SRP9: variants seen among roughly 807,000 people sequenced by gnomAD.
SRP9 encodes signal recognition particle 9, also known as signal recognition particle 9 kDa protein.
A neutral mutation model predicts 11.7 loss-of-function variants in SRP9; 2 were observed. That is an observed-to-expected ratio of 0.17 (90% CI 0.07 to 0.54). SRP9 has a LOEUF of 0.54. Ranked by LOEUF, SRP9 falls within the 20% of genes least tolerant of loss-of-function variation. The pLI is 0.94. For synonymous variants in SRP9, 27 were observed against 35.6 expected (o/e 0.76, Z 0.86); for missense variants, 54 against 108.1 (o/e 0.50, Z 2.22).
At chr1:225,788,820 AAG>A (rs1289327280) in intron 2 of SRP9, among the ~76,000 whole-genome samples, 1 of 152,212 alleles carries the variant, frequency 6.6e-6, no homozygotes, top group Non-Finnish European at 1.5e-5. Flanking sequence ...CCAGTAGAAA[AAG>A]AGATCTTAAG....
At chr1:225,786,777 A>C in intron 2 of SRP9, 1 of 1,187,074 alleles carries the variant, frequency 8.4e-7, no homozygotes. Flanking sequence ...AAAGTATCTA[A>C]CATGAGTGCT....
Position 225,784,229 on chromosome 1 carries a change from C to CTTTTTTTTTTTTTTTTTTTTTT in SRP9, c.141+875_141+896dup, listed in dbSNP as rs561503475. 1.7e-4 allele frequency among the ~76,000 whole-genome samples: 6 copies of CTTTTTTTTTTTTTTTTTTTTTT among 34,458 alleles called. 2 individuals carry two copies. The highest frequency in any genetic ancestry group is 3.0e-4 in the Non-Finnish European group (6 of 19,846). The allele number at this position is 34,458 out of a possible 152,430, so 22.6% of individuals were successfully genotyped here. A position where few individuals can be genotyped will look rare whatever the true frequency, so the allele number is the denominator to read the frequency against. On this transcript the variant is annotated intron_variant, in intron 2 of 2. Coordinates refer to ENST00000304786, the MANE Select transcript of SRP9 (RefSeq NM_003133.6). ...TCTACAGTGGAGTTTATCACCTGTT[C>CTTTTTTTTTTTTTTTTTTTTTT]TTTTTTTTTTTTTTTTTTTTTTTTT...
chr1:225,785,591 A>T (rs933767268), intron 2 of SRP9, among the ~76,000 whole-genome samples: 2 of 151,690 alleles, frequency 1.3e-5, no homozygotes, highest in Non-Finnish European at 2.9e-5. Context: ...CCTGTTAGCC[A>T]GGATGGTCTC....
chr1:225,781,395 C>CTTTTTTTTTTTTT (rs11315558), intron 1 of SRP9, among the ~76,000 whole-genome samples: 88 of 87,782 alleles, frequency 1.0e-3, no homozygotes, highest in East Asian at 3.9e-3. Context: ...TTTTCTTTTT[C>CTTTTTTTTTTTTT]TTTTTTTTTT....
intron 2 of SRP9, among the ~76,000 whole-genome samples, chr1:225,784,482 C>A (rs1219039378): frequency 6.6e-6 from 1 of 150,906 alleles, no homozygotes; most frequent in Non-Finnish European, 1.5e-5. Context: ...ATCTCCTGAC[C>A]TCGTGATCCA....
rs561503475 is a variant in SRP9 at position 225,784,229 on chromosome 1, C to CTT, written c.141+895_141+896dup. ...TCTACAGTGGAGTTTATCACCTGTT[C>CTT]TTTTTTTTTTTTTTTTTTTTTTTTT... On this transcript the variant is annotated intron_variant, in intron 2 of 2. Coordinates refer to ENST00000304786, the MANE Select transcript of SRP9 (RefSeq NM_003133.6). 9.4e-3 allele frequency among the ~76,000 whole-genome samples: 324 copies of CTT among 34,450 alleles called. 95 individuals carry two copies. Among genetic ancestry groups the CTT allele is most frequent in the Non-Finnish European group, 0.01 (208 of 19,846 alleles). The allele number at this position is 34,450 out of a possible 152,430, so 22.6% of individuals were successfully genotyped here. A position where few individuals can be genotyped will look rare whatever the true frequency, so the allele number is the denominator to read the frequency against.
intron 2 of SRP9, among the ~76,000 whole-genome samples, chr1:225,785,124 T>G (rs1028379668): frequency 1.2e-4 from 18 of 151,584 alleles, no homozygotes; most frequent in African/African-American, 4.1e-4. Flanking sequence ...AAGGCTGGAG[T>G]GCAGTGGGCG....
rs1298382842 is a variant in SRP9, at chr1:225,790,394, G to A, written c.*1035G>A. On this transcript the variant is annotated 3_prime_UTR_variant, in exon 3 of 3. Coordinates refer to ENST00000304786, the MANE Select transcript of SRP9 (RefSeq NM_003133.6). ...TCATGTTGAACAGCATTTTAGCATG[G>A]TAAGTTCCCTTAGCTATATGAATTT... The A allele has an allele frequency of 6.6e-6, 1 of 152,168 alleles. No individual in the cohort carries two copies. Among genetic ancestry groups the A allele is most frequent in the Non-Finnish European group, 1.5e-5 (1 of 68,026 alleles). 9.4% of individuals were successfully genotyped at this position (152,168 alleles called of 1,614,324 possible).
At chr1:225,779,392 C>T (rs1170048329) in intron 1 of SRP9, among the ~76,000 whole-genome samples, 1 of 152,118 alleles carries the variant, frequency 6.6e-6, no homozygotes, top group Non-Finnish European at 1.5e-5. Flanking sequence ...GATCCACCCG[C>T]GTTGGCCTCC....
At chr1:225,783,194 G>C (rs1665833671) in intron 1 of SRP9, 106 bp from the exon 2 acceptor site, 1 of 748,390 alleles carries the variant, frequency 1.3e-6, no homozygotes. Flanking sequence ...TAGATGTTTG[G>C]GGGTATTTAT....
intron 2 of SRP9, among the ~76,000 whole-genome samples, chr1:225,787,623 G>T (rs1456988894): frequency 6.6e-6 from 1 of 152,140 alleles, no homozygotes; most frequent in African/African-American, 2.4e-5. Context: ...CCCTGTTAAT[G>T]ATTGAATATA....
chr1:225,786,460 C>G (rs1665918860), intron 2 of SRP9, among the ~76,000 whole-genome samples: 1 of 152,138 alleles, frequency 6.6e-6, no homozygotes, highest in Non-Finnish European at 1.5e-5. Flanking sequence ...TTAAAAATCA[C>G]TTTTTGTCTT....
intron 1 of SRP9, among the ~76,000 whole-genome samples, chr1:225,778,664 G>A (rs1575950247): frequency 6.6e-6 from 1 of 152,246 alleles, no homozygotes; most frequent in African/African-American, 2.4e-5. Context: ...GGATGTCAGA[G>A]GTTAGCTCAT....
At chr1:225,788,607 G>A (rs1024338069) in intron 2 of SRP9, among the ~76,000 whole-genome samples, 4 of 151,810 alleles carry the variant, frequency 2.6e-5, no homozygotes, top group African/African-American at 7.3e-5. Context: ...GTAGAGACGG[G>A]GTTTCACCAT....
intron 2 of SRP9, chr1:225,786,945 C>A: frequency 3.3e-6 from 2 of 615,118 alleles, no homozygotes; most frequent in Non-Finnish European, 5.2e-6. Context: ...TGGGCTCAAG[C>A]GGTCCTCTTG....
chr1:225,786,729 A>T (rs576123900), intron 2 of SRP9: 2 of 1,089,464 alleles, frequency 1.8e-6, no homozygotes, highest in African/African-American at 1.7e-5. Context: ...CAATTTCCTC[A>T]TCTGTAAAGT....
At chr1:225,778,168 C>T (rs1439177782) in intron 1 of SRP9, among the ~76,000 whole-genome samples, 156 bp downstream of exon 1, 1 of 152,270 alleles carries the variant, frequency 6.6e-6, no homozygotes, top group Non-Finnish European at 1.5e-5. Context: ...TCGTCCCCTT[C>T]TTCCCTGATC....
intron 2 of SRP9, among the ~76,000 whole-genome samples, chr1:225,785,530 G>A (rs556037834): frequency 4.6e-5 from 7 of 151,608 alleles, no homozygotes; most frequent in East Asian, 3.9e-4. Flanking sequence ...ACAGGCGCCC[G>A]CCACCACGCC....
At chr1:225,788,840 T>C (rs1457616933) in intron 2 of SRP9, among the ~76,000 whole-genome samples, 3 of 152,198 alleles carry the variant, frequency 2.0e-5, no homozygotes, top group Non-Finnish European at 1.5e-5. Flanking sequence ...AAGATTTCTG[T>C]GTTTTTTTTT....
Sources: allele counts gnomAD v4.1 joint callset (sites outside exome capture counted in the v4.1 genomes callset), GRCh38; gene constraint gnomAD v4.1.1; transcripts MANE v1.5; gene names NCBI Gene and HGNC (gene_info 2026-07-23, HGNC 2026-07-21).